The following CDK5RAP2 variants were observed in gnomAD, a reference collection of about 807,000 sequenced individuals.
CDK5RAP2 encodes CDK5 regulatory subunit-associated protein 2.
A neutral mutation model predicts 232.9 loss-of-function variants in CDK5RAP2; 147 were observed. The observed-to-expected ratio is 0.63, with a 90% confidence interval of 0.55 to 0.72. CDK5RAP2 has a LOEUF of 0.72. Among genes scored for constraint, CDK5RAP2 ranks in the 30% least tolerant of loss-of-function variants. The probability of loss-of-function intolerance (pLI) is 0.00; values close to 1 mark genes in which losing one functional copy is unlikely to be tolerated. For missense variants in CDK5RAP2, 2,195 were observed against 2,231.5 expected, an observed-to-expected ratio of 0.98 and a Z score of 0.33; for synonymous variants, 833 against 833.7, an observed-to-expected ratio of 1.00 and a Z score of 0.01.
intron 36 of CDK5RAP2, among the ~76,000 whole-genome samples, chr9:120,392,959 G>A (rs1214594534): frequency 6.6e-6 from 1 of 152,176 alleles, no homozygotes; most frequent in Admixed American, 6.5e-5. Context: ...TCGTCCTGGA[G>A]TCCTGTCCAC....
intron 35 of CDK5RAP2, among the ~76,000 whole-genome samples, chr9:120,397,555 AAAAAAAAAAAGAAAAAAG>A (rs1240321930): frequency 1.4e-5 from 2 of 141,294 alleles, no homozygotes; most frequent in South Asian, 2.2e-4. Context: ...AAAAAAAAAA[AAAAAAAAAAAGAAAAAAG>A]AAAAAAAAAA....
chr9:120,440,490 A>G (rs115534380), intron 23 of CDK5RAP2: 1,948 of 166,822 alleles, frequency 0.012, 44 homozygotes, highest in African/African-American at 0.045. Context: ...AACTCTTTCC[A>G]TACCCAGATC....
At chr9:120,485,948 A>G (rs1428989735) in intron 14 of CDK5RAP2, among the ~76,000 whole-genome samples, 1 of 152,234 alleles carries the variant, frequency 6.6e-6, no homozygotes, top group Non-Finnish European at 1.5e-5. Flanking sequence ...ATGCAAATAC[A>G]CAAACAGTCA....
intron 18 of CDK5RAP2, among the ~76,000 whole-genome samples, chr9:120,465,430 C>G (rs1195497888): frequency 6.6e-6 from 1 of 152,120 alleles, no homozygotes; most frequent in Non-Finnish European, 1.5e-5. Flanking sequence ...TCTTGGTGTT[C>G]TGTTTGTTTG....
intron 12 of CDK5RAP2, among the ~76,000 whole-genome samples, chr9:120,518,196 TGTGTGTGTGTGTGTGA>T (rs1021607027): frequency 5.7e-5 from 6 of 104,554 alleles, no homozygotes; most frequent in South Asian, 4.2e-4. Context: ...TGTGTGTGTG[TGTGTGTGTGTGTGTGA>T]GAGAGAGAGA....
In CDK5RAP2 at chr9:120,491,420, T is replaced by C; in HGVS notation, c.1369A>G (p.Met457Val). 6.2e-7 allele frequency: 1 copy of C among 1,612,390 alleles called. No homozygotes were observed. The highest frequency in any genetic ancestry group is 8.5e-7 in the Non-Finnish European group (1 of 1,179,026). Residue 457 changes from methionine to valine, a missense_variant, in exon 13 of 38, where the codon ATG becomes GTG. By Grantham distance (21) the Met-to-Val change is conservative (BLOSUM62 1). Transcript: ENST00000349780. ...RNEVNEREKA[M>V]ENRYKSLLSE... ...AGAAGACTCTTGTAACGATTTTCCA[T>C]TGCTTTCTCTCTTTCATTCACTTCA... is the stretch of plus-strand genomic sequence containing the variant.
At chr9:120,541,063 C>T (rs192560175) in intron 5 of CDK5RAP2, among the ~76,000 whole-genome samples, 99 of 152,270 alleles carry the variant, frequency 6.5e-4, no homozygotes, top group Middle Eastern at 6.8e-3. Flanking sequence ...TATACACGGC[C>T]GAAAGAATTC....
At chr9:120,536,347 G>A in intron 7 of CDK5RAP2, 25 bp downstream of exon 7, 3 of 1,612,150 alleles carry the variant, frequency 1.9e-6, no homozygotes, top group Non-Finnish European at 2.5e-6. Flanking sequence ...GTGATGTCAG[G>A]GTATGACAGG....
chr9:120,558,763 C>T (rs1001430168), intron 3 of CDK5RAP2, among the ~76,000 whole-genome samples: 4 of 152,238 alleles, frequency 2.6e-5, no homozygotes, highest in South Asian at 4.1e-4. Flanking sequence ...GCCTCTCCAA[C>T]TACACCATCT....
chr9:120,433,946 C>T (rs2035427988), intron 25 of CDK5RAP2, among the ~76,000 whole-genome samples: 2 of 152,330 alleles, frequency 1.3e-5, no homozygotes, highest in African/African-American at 4.8e-5. Flanking sequence ...TATCTATATC[C>T]TAGCACTACA....
intron 22 of CDK5RAP2, among the ~76,000 whole-genome samples, chr9:120,446,648 C>T (rs1271153100): frequency 6.6e-5 from 10 of 152,322 alleles, no homozygotes; most frequent in South Asian, 4.1e-4. Context: ...GCCTGATCTG[C>T]TGCCTCCTGG....
intron 12 of CDK5RAP2, among the ~76,000 whole-genome samples, chr9:120,504,490 G>T (rs943733342): frequency 1.3e-5 from 2 of 152,170 alleles, no homozygotes; most frequent in Non-Finnish European, 2.9e-5. Flanking sequence ...CCTCCCGCCA[G>T]ACAGCTCCCT....
chr9:120,514,441 C>T (rs2040232470), intron 12 of CDK5RAP2, among the ~76,000 whole-genome samples: 1 of 152,196 alleles, frequency 6.6e-6, no homozygotes, highest in Non-Finnish European at 1.5e-5. Context: ...CTCAGTACAT[C>T]ACCCGTCTGG....
chr9:120,424,379 T>C (rs540124844), intron 25 of CDK5RAP2, among the ~76,000 whole-genome samples: 2 of 152,330 alleles, frequency 1.3e-5, no homozygotes, highest in East Asian at 3.9e-4. Flanking sequence ...AGACTCCACA[T>C]TTCTGTCCTC....
At chr9:120,500,877 T>TACA (rs1639603409) in intron 12 of CDK5RAP2, among the ~76,000 whole-genome samples, 1 of 152,062 alleles carries the variant, frequency 6.6e-6, no homozygotes. Context: ...AAACAGTCAA[T>TACA]ACAACCAGGG....
chr9:120,543,056 G>A (rs2041704346), intron 5 of CDK5RAP2, among the ~76,000 whole-genome samples: 1 of 152,198 alleles, frequency 6.6e-6, no homozygotes, highest in Admixed American at 6.5e-5. Context: ...TGGTGGAGAG[G>A]AAGCTGGAGC....
chr9:120,577,489 C>T (rs754007610), intron 1 of CDK5RAP2, among the ~76,000 whole-genome samples: 59 of 151,876 alleles, frequency 3.9e-4, no homozygotes, highest in Admixed American at 8.5e-4. Flanking sequence ...TGGAGAGTTA[C>T]GAAGATAGAT....
intron 21 of CDK5RAP2, among the ~76,000 whole-genome samples, chr9:120,450,869 C>T (rs372344179): frequency 5.9e-5 from 9 of 152,254 alleles, no homozygotes; most frequent in Non-Finnish European, 8.8e-5. Context: ...CTGCTCAGTT[C>T]GGAAAAGTGA....
chr9:120,448,483 C>T (rs572605935), intron 21 of CDK5RAP2, among the ~76,000 whole-genome samples: 20 of 152,356 alleles, frequency 1.3e-4, no homozygotes, highest in South Asian at 8.3e-4. Flanking sequence ...TCAGTCTAAT[C>T]TGGTCTGGCC....
Sources: gnomAD v4.1 joint callset for allele counts (sites outside exome capture counted in the v4.1 genomes callset) on GRCh38, gnomAD v4.1.1 for gene constraint, MANE v1.5 for transcripts, NCBI Gene and HGNC (gene_info 2026-07-23, HGNC 2026-07-21) for gene names.